Variants in ONECUT2 observed in about 807,000 individuals in gnomAD.
ONECUT2 encodes one cut homeobox 2, also known as one cut domain family member 2.
In ONECUT2, 10 loss-of-function variants were observed where a neutral mutation model predicts 27.9. The observed-to-expected ratio is 0.36, with a 90% CI of 0.22 to 0.61. The LOEUF is 0.61. Among genes scored for constraint, ONECUT2 ranks in the 20% least tolerant of loss-of-function variants. The probability of loss-of-function intolerance (pLI) is 0.73; values close to 1 mark genes in which losing one functional copy is unlikely to be tolerated. For missense variants in ONECUT2, 686 were observed against 721.0 expected (o/e 0.95, Z 0.56); for synonymous variants, 334 against 315.1 (o/e 1.06, Z -0.64).
intron 1 of ONECUT2, among the ~76,000 whole-genome samples, chr18:57,465,043 A>G (rs1261885034): frequency 1.3e-5 from 2 of 152,094 alleles, no homozygotes; most frequent in Non-Finnish European, 2.9e-5. Flanking sequence ...AACCACATAA[A>G]ATTCTAGCAT....
chr18:57,481,738 A>G lies in ONECUT2; in HGVS notation c.*5015A>G, dbSNP rs1404727014. The G allele has an allele frequency of 1.3e-5, 2 of 152,218 alleles. No individual in the cohort carries two copies. The highest frequency in any genetic ancestry group is 2.9e-5 in the Non-Finnish European group (2 of 68,038). 9.4% of individuals were successfully genotyped at this position (152,218 alleles called of 1,614,324 possible). On this transcript the variant is annotated 3_prime_UTR_variant, in exon 2 of 2. Transcript: ENST00000491143. ...GAATAGTTGGATATTTTAAAATCTAAGAAGAAAAGGCCTGTTTCCAATGTT... is the reference window on the plus strand; with the variant it reads ...GAATAGTTGGATATTTTAAAATCTAGGAAGAAAAGGCCTGTTTCCAATGTT...
intron 1 of ONECUT2, among the ~76,000 whole-genome samples, chr18:57,472,894 G>C (rs1284768005): frequency 6.6e-6 from 1 of 152,132 alleles, no homozygotes. Flanking sequence ...ATTGACAGAG[G>C]ACCTCAGCCA....
intron 1 of ONECUT2, among the ~76,000 whole-genome samples, chr18:57,439,044 A>G (rs1016767582): frequency 1.3e-5 from 2 of 152,226 alleles, no homozygotes; most frequent in African/African-American, 4.8e-5. Flanking sequence ...TCTCCTGCTC[A>G]TCTCAGAGCG....
At chr18:57,468,038 G>A (rs1296814050) in intron 1 of ONECUT2, among the ~76,000 whole-genome samples, 1 of 152,200 alleles carries the variant, frequency 6.6e-6, no homozygotes, top group African/African-American at 2.4e-5. Flanking sequence ...ACCTTGTGCA[G>A]GATAATTTGC....
Position 57,488,224 on chromosome 18 carries a change from A to C in ONECUT2, c.*11501A>C, listed in dbSNP as rs951040466. The C allele has an allele frequency of 6.5e-6, 1 of 152,690 alleles. No homozygotes were observed. Among genetic ancestry groups the C allele is most frequent in the African/African-American group, 2.4e-5 (1 of 41,466 alleles). 9.5% of individuals were successfully genotyped at this position (152,690 alleles called of 1,614,324 possible). On this transcript the variant is annotated 3_prime_UTR_variant, in exon 2 of 2. Transcript: ENST00000491143. ...TAATCTGCCAAAGATGGGAACAGAT[A>C]CAAGAATTTTTCAAATTGGCTTTTG...
At position 57,436,208 on chromosome 18, in the gene ONECUT2, T is replaced by C; in HGVS notation, c.492T>C (p.Ser164=). The C allele has an allele frequency of 6.2e-7, 1 of 1,606,638 alleles. No individual in the cohort carries two copies. The highest frequency in any genetic ancestry group is 8.5e-7 in the Non-Finnish European group (1 of 1,178,622). ...LQPLPPISTV[S]DKFHHPHPHH... ...CGCTGCCACCCATCTCCACCGTGTC[T>C]GACAAGTTCCACCACCCTCACCCGC... The change falls in exon 1 of 2, where the codon TCT becomes TCC. Residue 164 remains serine, a synonymous_variant. Transcript: ENST00000491143. The surrounding 1 kb of genome is among the most constrained non-coding windows in gnomAD (Gnocchi z 5.9).
intron 1 of ONECUT2, among the ~76,000 whole-genome samples, chr18:57,465,859 C>T (rs1220690689): frequency 1.3e-5 from 2 of 152,204 alleles, no homozygotes; most frequent in Non-Finnish European, 1.5e-5. Context: ...AACCAAGCTT[C>T]CATCTAATCA....
At position 57,480,308 on chromosome 18, in the gene ONECUT2, T is replaced by G. The variant is rs768508845; in HGVS notation, c.*3585T>G. The G allele has an allele frequency of 2.0e-5, 3 of 152,240 alleles. No homozygotes were observed. The highest frequency in any genetic ancestry group is 4.4e-5 in the Non-Finnish European group (3 of 68,046). The allele number at this position is 152,240 out of a possible 1,614,324, so 9.4% of individuals were successfully genotyped here. ...AAGAGCATATTTCAGCAGAGGAGTGTTCCCATGTGGGTTGATTTCAACTTG... is the reference window on the plus strand; with the variant it reads ...AAGAGCATATTTCAGCAGAGGAGTGGTCCCATGTGGGTTGATTTCAACTTG... On this transcript the variant is annotated 3_prime_UTR_variant, in exon 2 of 2. Transcript: ENST00000491143.
chr18:57,472,466 G>A (rs903497788), intron 1 of ONECUT2, among the ~76,000 whole-genome samples: 1 of 152,070 alleles, frequency 6.6e-6, no homozygotes, highest in Admixed American at 6.5e-5. Context: ...TCAACAGCTG[G>A]CAATTGCTAG....
chr18:57,477,682 C>A lies in ONECUT2; in HGVS notation c.*959C>A, dbSNP rs146220894. The A allele has an allele frequency of 7.4e-4, 113 of 152,788 alleles. 1 individual carries two copies. The highest frequency in any genetic ancestry group is 2.6e-3 in the African/African-American group (107 of 41,588). 9.5% of individuals were successfully genotyped at this position (152,788 alleles called of 1,614,324 possible). A position where few individuals can be genotyped will look rare whatever the true frequency, so the allele number is the denominator to read the frequency against. On this transcript the variant is annotated 3_prime_UTR_variant, in exon 2 of 2. Transcript: ENST00000491143. ...GAGGCCAATTTAACTGTTAACAGTG[C>A]ATGGAGCGAATGCAGCATTTTAAAA...
In ONECUT2 at chr18:57,447,337, C is replaced by G. The variant is rs535899514; in HGVS notation, c.1228+10393C>G. On this transcript the variant is annotated intron_variant, in intron 1 of 1. Transcript: ENST00000491143. ...TGTTTGAGCGAATTGGAGATGGACC[C>G]TCTACTGCGGTTAAATCCAGGCAAG... Among the ~76,000 whole-genome samples the G allele has an allele frequency of 2.6e-5, 4 of 152,314 alleles. No homozygotes were observed. In the South Asian group the frequency reaches 8.3e-4, roughly 32 times the overall value.
rs1331145081 is a variant in ONECUT2, at chr18:57,478,277, A to G, written c.*1554A>G. 1 of 152,408 alleles carries G rather than the reference A, an allele frequency of 6.6e-6. No individual in the cohort carries two copies. The highest frequency in any genetic ancestry group is 2.4e-5 in the African/African-American group (1 of 41,422). The allele number at this position is 152,408 out of a possible 1,614,324, so 9.4% of individuals were successfully genotyped here. A position where few individuals can be genotyped will look rare whatever the true frequency, so the allele number is the denominator to read the frequency against. On this transcript the variant is annotated 3_prime_UTR_variant, in exon 2 of 2. Transcript: ENST00000491143. ...AGATTGCAAAGGTCACAATGTGCAT[A>G]TTTACCAGTGAATGGCCCCGGGTGG...
At chr18:57,444,855 A>G (rs2050192958) in intron 1 of ONECUT2, among the ~76,000 whole-genome samples, 1 of 152,096 alleles carries the variant, frequency 6.6e-6, no homozygotes, top group African/African-American at 2.4e-5. Context: ...CCACACTCCA[A>G]ACCAAACAAA....
chr18:57,437,799 G>A (rs1480325362), intron 1 of ONECUT2, among the ~76,000 whole-genome samples: 1 of 152,232 alleles, frequency 6.6e-6, no homozygotes, highest in Admixed American at 6.5e-5. Context: ...AGGATTTGCC[G>A]GGGCTCCGGG....
chr18:57,476,959 C>G lies in ONECUT2; in HGVS notation c.*236C>G, dbSNP rs182158990. On this transcript the variant is annotated 3_prime_UTR_variant, in exon 2 of 2. Transcript: ENST00000491143. ...AGCTGAAAAATTAATCTCTTAGAAC[C>G]AGACACTGTTCTCTGAGCATGCTAA... 7.2e-6 allele frequency: 4 copies of G among 553,648 alleles called. No homozygotes were observed. The Admixed American group carries it at 1.3e-4, about 18-fold the overall frequency. The allele number at this position is 553,648 out of a possible 1,614,324, so 34.3% of individuals were successfully genotyped here. A position where few individuals can be genotyped will look rare whatever the true frequency, so the allele number is the denominator to read the frequency against.
Position 57,476,979 on chromosome 18 carries a change from T to C in ONECUT2, c.*256T>C. 1 of 485,158 alleles carries C rather than the reference T, an allele frequency of 2.1e-6. No homozygotes were observed. Among genetic ancestry groups the C allele is most frequent in the Non-Finnish European group, 3.6e-6 (1 of 274,882 alleles). 30.1% of individuals were successfully genotyped at this position (485,158 alleles called of 1,614,324 possible). A position where few individuals can be genotyped will look rare whatever the true frequency, so the allele number is the denominator to read the frequency against. On this transcript the variant is annotated 3_prime_UTR_variant, in exon 2 of 2. Coordinates refer to ENST00000491143, the MANE Select transcript of ONECUT2 (RefSeq NM_004852.3). Reference sequence around the variant, plus strand: ...AGAACCAGACACTGTTCTCTGAGCATGCTAAGCATCCCAGAAACCCAAATG... The same window carrying C: ...AGAACCAGACACTGTTCTCTGAGCACGCTAAGCATCCCAGAAACCCAAATG...
Position 57,483,631 on chromosome 18 carries a change from A to G in ONECUT2, c.*6908A>G, listed in dbSNP as rs1274820234. ...AGAGATGCAAAATTCTACTTGGAAT[A>G]CTCTTGAAGTTTAGTTTGCTTTATA... is the stretch of plus-strand genomic sequence containing the variant. On this transcript the variant is annotated 3_prime_UTR_variant, in exon 2 of 2. Coordinates refer to ENST00000491143, the MANE Select transcript of ONECUT2 (RefSeq NM_004852.3). 1 of 152,566 alleles carries G rather than the reference A, an allele frequency of 6.6e-6. No homozygotes were observed. Among genetic ancestry groups the G allele is most frequent in the Non-Finnish European group, 1.5e-5 (1 of 68,026 alleles). The allele number at this position is 152,566 out of a possible 1,614,324, so 9.5% of individuals were successfully genotyped here. A position where few individuals can be genotyped will look rare whatever the true frequency, so the allele number is the denominator to read the frequency against.
chr18:57,466,684 A>T (rs530993728), intron 1 of ONECUT2, among the ~76,000 whole-genome samples: 16 of 152,230 alleles, frequency 1.1e-4, no homozygotes, highest in Admixed American at 1.3e-4. Flanking sequence ...ACTGGACTAG[A>T]CAGGAGGGAA....
chr18:57,447,412 G>T (rs1181285033), intron 1 of ONECUT2, among the ~76,000 whole-genome samples: 1 of 152,344 alleles, frequency 6.6e-6, no homozygotes, highest in Admixed American at 6.5e-5. Context: ...CCAGTGCAGG[G>T]CCTCATATTT....
Sources: gnomAD v4.1 joint callset for allele counts (sites outside exome capture counted in the v4.1 genomes callset) on GRCh38, gnomAD v4.1.1 for gene constraint, Gnocchi (gnomAD v3.1) non-coding constraint, MANE v1.5 for transcripts, NCBI Gene and HGNC (gene_info 2026-07-23, HGNC 2026-07-21) for gene names.